Variants in LHPP observed in about 807,000 individuals in gnomAD.
LHPP encodes phospholysine phosphohistidine inorganic pyrophosphate phosphatase.
In LHPP, 24 loss-of-function variants were observed where a neutral mutation model predicts 30.3. The ratio of observed to expected loss-of-function variants is 0.79; its 90% CI spans 0.57 to 1.11. The LOEUF (loss-of-function observed/expected upper bound fraction) is 1.11. Among genes scored for constraint, LHPP ranks in the 50% most tolerant of loss-of-function variants. The pLI, the probability that LHPP is intolerant of heterozygous loss-of-function variation, is 0.00. For synonymous variants in LHPP, 150 were observed against 157.1 expected (o/e 0.95, Z 0.34); for missense variants, 356 against 367.2 (o/e 0.97, Z 0.25).
intron 6 of LHPP, among the ~76,000 whole-genome samples, chr10:124,604,441 G>A (rs1949067191): frequency 6.6e-6 from 1 of 152,206 alleles, no homozygotes; most frequent in East Asian, 1.9e-4. Flanking sequence ...CACAGGCCTA[G>A]TGTGTGTGAT....
Position 124,476,049 on chromosome 10 carries a change from A to T in LHPP, c.126-8090A>T, listed in dbSNP as rs553100580. ...CCGTGGCACAGGCACTTCAGAGAAC[A>T]CTCTAGATGGGAGTTCTGCCGGCAG... On this transcript the variant is annotated intron_variant, in intron 1 of 6. Coordinates refer to ENST00000368842, the MANE Select transcript of LHPP (RefSeq NM_022126.4). 3.3e-5 allele frequency among the ~76,000 whole-genome samples: 5 copies of T among 152,044 alleles called. No homozygotes were observed. The East Asian group carries it at 9.7e-4, about 29-fold the overall frequency.
chr10:124,500,164 C>CT (rs74428357), intron 5 of LHPP, among the ~76,000 whole-genome samples: 2,794 of 151,916 alleles, frequency 0.018, 93 homozygotes, highest in East Asian at 0.11. Flanking sequence ...CTTCTATCCT[C>CT]TTTTTTTTCC....
intron 6 of LHPP, among the ~76,000 whole-genome samples, chr10:124,589,938 G>A (rs1948858517): frequency 6.6e-6 from 1 of 152,190 alleles, no homozygotes; most frequent in African/African-American, 2.4e-5. Flanking sequence ...GGGCTCGGGA[G>A]CTGTCAGCCT....
chr10:124,504,307 C>G (rs899784294), intron 5 of LHPP, among the ~76,000 whole-genome samples: 1 of 151,166 alleles, frequency 6.6e-6, no homozygotes, highest in Admixed American at 6.6e-5. Flanking sequence ...GAAAATAAGA[C>G]CTGGCCAGGT....
intron 6 of LHPP, among the ~76,000 whole-genome samples, chr10:124,601,541 G>A (rs549551300): frequency 1.3e-5 from 2 of 152,320 alleles, no homozygotes; most frequent in Admixed American, 6.5e-5. Flanking sequence ...GGGCGGCCAA[G>A]CGTCACCACC....
At chr10:124,553,941 GC>G (rs1948237566) in intron 6 of LHPP, 2 of 985,310 alleles carry the variant, frequency 2.0e-6, no homozygotes, top group African/African-American at 1.7e-5. Flanking sequence ...GAGGGACAGA[GC>G]CCCCCTGTTG....
At chr10:124,579,228 C>T (rs900277142) in intron 6 of LHPP, among the ~76,000 whole-genome samples, 2 of 152,344 alleles carry the variant, frequency 1.3e-5, no homozygotes, top group South Asian at 2.1e-4. Context: ...GCAGGCAGCC[C>T]ACCACCGGGG....
Position 124,593,955 on chromosome 10 carries a change from A to C in LHPP, c.717-19309A>C, listed in dbSNP as rs1222613201. 6.6e-6 allele frequency among the ~76,000 whole-genome samples: 1 copy of C among 152,264 alleles called. No individual in the cohort carries two copies. Among genetic ancestry groups the C allele is most frequent in the Non-Finnish European group, 1.5e-5 (1 of 68,048 alleles). On this transcript the variant is annotated intron_variant, in intron 6 of 6. Transcript: ENST00000368842. This position sits in a 1 kb window ranked among gnomAD's most constrained non-coding sequence, Gnocchi z 4.9. Reference sequence around the variant, plus strand: ...TCCTTGCTGCGTCTGGCTGGGCTGCAGAATACCCTTGACCTTTCAGCATCC... The same window carrying C: ...TCCTTGCTGCGTCTGGCTGGGCTGCCGAATACCCTTGACCTTTCAGCATCC...
chr10:124,546,563 C>T (rs186335772), intron 6 of LHPP, among the ~76,000 whole-genome samples: 73 of 152,026 alleles, frequency 4.8e-4, no homozygotes, highest in Non-Finnish European at 7.8e-4. Flanking sequence ...CCACCACGCC[C>T]GGCTAATTTT....
intron 6 of LHPP, among the ~76,000 whole-genome samples, chr10:124,531,797 G>A (rs965977116): frequency 1.3e-5 from 2 of 152,178 alleles, no homozygotes; most frequent in African/African-American, 4.8e-5. Context: ...TGATTGATAC[G>A]TATTTGTGGG....
rs1251030478 is a variant in LHPP, at chr10:124,576,739, G to C, written c.717-36525G>C. 6.6e-6 allele frequency among the ~76,000 whole-genome samples: 1 copy of C among 152,080 alleles called. No individual in the cohort carries two copies. The highest frequency in any genetic ancestry group is 1.5e-5 in the Non-Finnish European group (1 of 68,004). ...CTGGGGGGCTGAGGGGGGTTCTTTA[G>C]GGCAGGAGTTACCTGCCCTGTAGAC... On this transcript the variant is annotated intron_variant, in intron 6 of 6. Transcript: ENST00000368842. This position sits in a 1 kb window ranked among gnomAD's most constrained non-coding sequence, Gnocchi z 4.2.
At chr10:124,520,526 C>A (rs1288988474) in intron 6 of LHPP, among the ~76,000 whole-genome samples, 3 of 152,364 alleles carry the variant, frequency 2.0e-5, no homozygotes, top group African/African-American at 7.2e-5. Flanking sequence ...GAGGATGGGA[C>A]TTAGCCCATT....
At chr10:124,475,390 A>G (rs899886445) in intron 1 of LHPP, among the ~76,000 whole-genome samples, 6 of 151,980 alleles carry the variant, frequency 3.9e-5, no homozygotes, top group Non-Finnish European at 8.8e-5. Flanking sequence ...AAATACAAAA[A>G]ATAAGCTGGG....
chr10:124,475,541 AAAAAT>A (rs202212507), intron 1 of LHPP, among the ~76,000 whole-genome samples: 4,145 of 152,110 alleles, frequency 0.027, 136 homozygotes, highest in Non-Finnish European at 0.031. Context: ...ACTCCGTCTC[AAAAAT>A]AAAATAAAAT....
intron 6 of LHPP, among the ~76,000 whole-genome samples, chr10:124,577,332 G>A (rs1196767482): frequency 1.3e-5 from 2 of 152,160 alleles, no homozygotes; most frequent in Admixed American, 6.5e-5. Flanking sequence ...CCCACCCCTG[G>A]CCCACCCATA....
intron 6 of LHPP, among the ~76,000 whole-genome samples, chr10:124,554,554 C>G (rs547517343): frequency 3.3e-5 from 5 of 152,344 alleles, no homozygotes; most frequent in Non-Finnish European, 7.3e-5. Flanking sequence ...AGTGCTTAGC[C>G]TAGTGCCCGG....
intron 6 of LHPP, among the ~76,000 whole-genome samples, chr10:124,601,073 G>A (rs1949014324): frequency 6.6e-6 from 1 of 152,216 alleles, no homozygotes. Context: ...CCTGGAGGAG[G>A]TGACTTGTTC....
intron 3 of LHPP, chr10:124,490,327 G>A (rs1383249087): frequency 7.8e-6 from 2 of 255,580 alleles, no homozygotes; most frequent in Non-Finnish European, 1.6e-5. Flanking sequence ...CTCTCCAGGG[G>A]CAGATGGTGG....
At chr10:124,580,721 CTTTT>C (rs369288920) in intron 6 of LHPP, among the ~76,000 whole-genome samples, 1 of 75,728 alleles carries the variant, frequency 1.3e-5, no homozygotes, top group Non-Finnish European at 2.5e-5. Context: ...TTTTTTTTTT[CTTTT>C]TTTTTTTTTT....
Sources: gnomAD v4.1 joint callset for allele counts (sites outside exome capture counted in the v4.1 genomes callset) on GRCh38, gnomAD v4.1.1 for gene constraint, Gnocchi (gnomAD v3.1) non-coding constraint, MANE v1.5 for transcripts, NCBI Gene and HGNC (gene_info 2026-07-23, HGNC 2026-07-21) for gene names.